The following DOCK1 variants were observed in gnomAD, a reference collection of about 807,000 sequenced individuals.
DOCK1 encodes the protein dedicator of cytokinesis protein 1.
Under a neutral mutation model 262.7 loss-of-function variants are expected in DOCK1, and 138 were observed. The observed-to-expected ratio is 0.53, with a 90% CI of 0.46 to 0.61. DOCK1 has a LOEUF of 0.61. DOCK1 is among the 20% of genes least tolerant of loss of function. The pLI, the probability that DOCK1 is intolerant of heterozygous loss-of-function variation, is 0.00. For synonymous variants in DOCK1, 866 were observed against 867.4 expected (o/e 1.00, Z 0.03); for missense variants, 1,908 against 2,370.7 (o/e 0.80, Z 4.05).
intron 10 of DOCK1, among the ~76,000 whole-genome samples, chr10:127,006,512 G>T (rs1485518114): frequency 2.0e-5 from 3 of 152,162 alleles, no homozygotes; most frequent in Non-Finnish European, 4.4e-5. Context: ...TTCCTCCTTT[G>T]GTGTCAGGGA....
chr10:127,260,300 C>T (rs933901322), intron 29 of DOCK1, among the ~76,000 whole-genome samples: 1 of 152,314 alleles, frequency 6.6e-6, no homozygotes, highest in East Asian at 1.9e-4. Context: ...TCAGTGTCCT[C>T]TCAGCAGTTG....
At chr10:127,245,209 G>T (rs2059392066) in intron 27 of DOCK1, among the ~76,000 whole-genome samples, 1 of 152,146 alleles carries the variant, frequency 6.6e-6, no homozygotes, top group African/African-American at 2.4e-5. Context: ...AAGGGGAGGG[G>T]CATTTCAGTG....
chr10:127,409,338 C>G lies in DOCK1; in HGVS notation c.4290C>G (p.Pro1430=), dbSNP rs1378646645. 2 of 1,613,860 alleles carry G rather than the reference C, an allele frequency of 1.2e-6. No homozygotes were observed. The highest frequency in any genetic ancestry group is 2.7e-5 in the African/African-American group (2 of 74,916). Residue 1430 remains proline, a synonymous_variant, in exon 42 of 52, where the codon CCC becomes CCG. Transcript: ENST00000623213. ...ATATTCAGTGCTTCACAGTGAAGCC[C>G]AAACTCGATCTGCCTCCTAAGTTTC... The part of the protein sequence containing the change: ...GQYIQCFTVK[P]KLDLPPKFHR...
chr10:127,420,583 C>T (rs529563541), intron 46 of DOCK1, among the ~76,000 whole-genome samples: 3 of 152,090 alleles, frequency 2.0e-5, no homozygotes, highest in African/African-American at 4.8e-5. Flanking sequence ...GACCAGGTGT[C>T]GTAGCCCAGG....
At chr10:127,442,709 A>G (rs2070254879) in intron 49 of DOCK1, among the ~76,000 whole-genome samples, 1 of 152,198 alleles carries the variant, frequency 6.6e-6, no homozygotes, top group African/African-American at 2.4e-5. Context: ...TCCTTCAGCC[A>G]ATTCCTAGAC....
intron 1 of DOCK1, among the ~76,000 whole-genome samples, chr10:126,964,173 G>A (rs1264453153): frequency 1.3e-5 from 2 of 152,180 alleles, no homozygotes; most frequent in Non-Finnish European, 2.9e-5. Context: ...CTGCCCCAGG[G>A]TCAAGTTGAA....
At chr10:127,167,567 C>G (rs1010131113) in intron 27 of DOCK1, among the ~76,000 whole-genome samples, 1 of 152,100 alleles carries the variant, frequency 6.6e-6, no homozygotes, top group African/African-American at 2.4e-5. Context: ...TGTTCTCAGA[C>G]ATCTCTATAG....
At chr10:127,354,338 G>A (rs1486648230) in intron 31 of DOCK1, among the ~76,000 whole-genome samples, 6 of 152,174 alleles carry the variant, frequency 3.9e-5, no homozygotes, top group Admixed American at 6.5e-5. Flanking sequence ...GTGCCTAGAC[G>A]CTAACGACAT....
At chr10:127,416,145 C>A (rs1013079446) in intron 44 of DOCK1, among the ~76,000 whole-genome samples, 5 of 152,214 alleles carry the variant, frequency 3.3e-5, no homozygotes, top group Non-Finnish European at 7.3e-5. Context: ...GAGAGGTTGC[C>A]CGCAGTCAGA....
intron 24 of DOCK1, among the ~76,000 whole-genome samples, chr10:127,107,883 G>A (rs550005432): frequency 6.3e-4 from 96 of 152,332 alleles, no homozygotes; most frequent in Non-Finnish European, 7.6e-4. Context: ...CTCCGCACCC[G>A]CGGAGGGGTA....
At chr10:127,200,073 T>G (rs952848487) in intron 27 of DOCK1, among the ~76,000 whole-genome samples, 2 of 152,198 alleles carry the variant, frequency 1.3e-5, no homozygotes, top group African/African-American at 2.4e-5. Flanking sequence ...GATGTCGCTG[T>G]GACAGAGCTC....
chr10:127,208,507 T>A, intron 27 of DOCK1, among the ~76,000 whole-genome samples: 1 of 152,198 alleles, frequency 6.6e-6, no homozygotes, highest in East Asian at 1.9e-4. Flanking sequence ...GTTTCTATAA[T>A]TGTTCTCTGT....
chr10:126,934,691 T>C (rs1033971652), intron 1 of DOCK1, among the ~76,000 whole-genome samples: 4 of 151,580 alleles, frequency 2.6e-5, no homozygotes, highest in African/African-American at 7.3e-5. Context: ...GCTGTGAGTC[T>C]AACTTTGTGC....
intron 16 of DOCK1, among the ~76,000 whole-genome samples, chr10:127,030,563 C>G (rs991746697): frequency 6.6e-6 from 1 of 152,184 alleles, no homozygotes; most frequent in African/African-American, 2.4e-5. Context: ...ACTGTGACCC[C>G]TTAAGAAACC....
chr10:127,186,534 A>T (rs2056287624), intron 27 of DOCK1, among the ~76,000 whole-genome samples: 1 of 39,684 alleles, frequency 2.5e-5, no homozygotes. Context: ...CGATCCAGTT[A>T]CCTCCACCCA....
At chr10:127,186,529 C>T (rs1218735656) in intron 27 of DOCK1, among the ~76,000 whole-genome samples, 1 of 119,548 alleles carries the variant, frequency 8.4e-6, no homozygotes, top group African/African-American at 3.2e-5. Flanking sequence ...CCCCCCGATC[C>T]AGTTACCTCC....
intron 33 of DOCK1, among the ~76,000 whole-genome samples, chr10:127,372,057 G>C (rs77164322): frequency 6.6e-6 from 1 of 152,160 alleles, no homozygotes; most frequent in Non-Finnish European, 1.5e-5. Flanking sequence ...TGTTTATTTG[G>C]GGGAGGAGAC....
Position 127,257,438 on chromosome 10 carries a change from G to A in DOCK1, c.3044+9G>A. The A allele has an allele frequency of 6.3e-7, 1 of 1,589,860 alleles. No individual in the cohort carries two copies. The highest frequency in any genetic ancestry group is 8.6e-7 in the Non-Finnish European group (1 of 1,166,502). ...AACATGGTGCAAAATAAGTAAGTGT[G>A]GGGAAAACGGCTCTCACCTTTTCTA... On this transcript the variant is annotated intron_variant, in intron 29 of 51. Coordinates refer to ENST00000623213, the MANE Select transcript of DOCK1 (RefSeq NM_001290223.2).
chr10:127,268,695 G>C (rs892857801), intron 29 of DOCK1, among the ~76,000 whole-genome samples: 4 of 151,992 alleles, frequency 2.6e-5, no homozygotes, highest in Non-Finnish European at 5.9e-5. Context: ...CACTTATTAG[G>C]GGGGTGTCCG....
Sources: allele counts gnomAD v4.1 joint callset (sites outside exome capture counted in the v4.1 genomes callset), GRCh38; gene constraint gnomAD v4.1.1; transcripts MANE v1.5; gene names NCBI Gene and HGNC (gene_info 2026-07-23, HGNC 2026-07-21).